Variants in STAG1 observed in about 807,000 individuals in gnomAD.
The protein encoded by STAG1 is cohesin subunit SA-1.
Under a neutral mutation model 170.9 loss-of-function variants are expected in STAG1, and 26 were observed. The observed-to-expected ratio is 0.15, with a 90% CI of 0.11 to 0.21. The LOEUF is 0.21. Ranked by LOEUF, STAG1 falls within the 10% of genes least tolerant of loss-of-function variation. STAG1 has a pLI of 1.00. For synonymous variants in STAG1, 514 were observed against 497.7 expected, an observed-to-expected ratio of 1.03 and a Z score of -0.44; for missense variants, 964 against 1,509.5, an observed-to-expected ratio of 0.64 and a Z score of 5.99.
rs535644702 is a variant in STAG1 at position 136,718,522 on chromosome 3, T to C, written c.-84+33673A>G. Among the ~76,000 whole-genome samples, 5 of 152,364 alleles carry C rather than the reference T, an allele frequency of 3.3e-5. No individual in the cohort carries two copies. The East Asian group carries it at 7.7e-4, about 23-fold the overall frequency. ...GACATACTTGTATTTTATTATTTTT[T>C]ACTAGCTGGAATAGAATCCTGTGAT... On this transcript the variant is annotated intron_variant, in intron 1 of 33. Transcript: ENST00000383202.
rs78149789 is a variant in STAG1, at chr3:136,480,741, G to C, written c.903-3329C>G. ...GAATGTTCTTCCATTTGTTTGTGTC[G>C]TCTGTTATTTCCTTGAGCAGTGGTT... On this transcript the variant is annotated intron_variant, in intron 9 of 33. Transcript: ENST00000383202. Among the ~76,000 whole-genome samples, 22 of 62,598 alleles carry C rather than the reference G, an allele frequency of 3.5e-4. 1 individual carries two copies. The highest frequency in any genetic ancestry group is 2.1e-3 in the East Asian group (2 of 962). 41.1% of individuals were successfully genotyped at this position (62,598 alleles called of 152,430 possible). A position where few individuals can be genotyped will look rare whatever the true frequency, so the allele number is the denominator to read the frequency against.
At chr3:136,749,032 T>C (rs1455672779) in intron 1 of STAG1, among the ~76,000 whole-genome samples, 2 of 152,212 alleles carry the variant, frequency 1.3e-5, no homozygotes, top group African/African-American at 2.4e-5. Flanking sequence ...ATACTTCTTT[T>C]CCTACGGCAG....
At chr3:136,498,575 G>C (rs1420291444) in intron 9 of STAG1, among the ~76,000 whole-genome samples, 2 of 151,628 alleles carry the variant, frequency 1.3e-5, no homozygotes, top group African/African-American at 2.4e-5. Context: ...GGATGATGGA[G>C]AGATTCATTA....
At chr3:136,711,003 C>T (rs937682262) in intron 1 of STAG1, among the ~76,000 whole-genome samples, 9 of 151,474 alleles carry the variant, frequency 5.9e-5, no homozygotes, top group African/African-American at 1.9e-4. Flanking sequence ...AAAACCTTTG[C>T]TATAAAACTC....
intron 4 of STAG1, among the ~76,000 whole-genome samples, chr3:136,587,791 C>A (rs768187469): frequency 1.3e-5 from 2 of 151,982 alleles, no homozygotes; most frequent in African/African-American, 4.8e-5. Context: ...CCTATCTCTA[C>A]CAAAAACACA....
chr3:136,679,724 G>C (rs997983185), intron 1 of STAG1, among the ~76,000 whole-genome samples: 1 of 103,462 alleles, frequency 9.7e-6, no homozygotes, highest in Non-Finnish European at 1.8e-5. Context: ...GCAAGACTCC[G>C]TCTTAAAAAA....
chr3:136,687,548 T>G (rs1180112459), intron 1 of STAG1, among the ~76,000 whole-genome samples: 1 of 152,148 alleles, frequency 6.6e-6, no homozygotes, highest in Admixed American at 6.5e-5. Flanking sequence ...AAAATCTGAA[T>G]AGTTGCACTG....
chr3:136,605,640 T>C (rs1489066243), intron 3 of STAG1, among the ~76,000 whole-genome samples: 1 of 152,222 alleles, frequency 6.6e-6, no homozygotes, highest in Non-Finnish European at 1.5e-5. Context: ...CTCTATTGAG[T>C]AATTTAATTC....
chr3:136,568,681 T>C, intron 5 of STAG1, 84 bp downstream of exon 5: 4 of 879,978 alleles, frequency 4.5e-6, no homozygotes, highest in South Asian at 2.9e-5. Flanking sequence ...GGGTAAATTA[T>C]ATACGACTAG....
chr3:136,715,377 T>C (rs1229571561), intron 1 of STAG1, among the ~76,000 whole-genome samples: 3 of 151,690 alleles, frequency 2.0e-5, no homozygotes, highest in Admixed American at 1.3e-4. Context: ...TCCCAACACT[T>C]TGGGAGGCCA....
chr3:136,520,012 G>A (rs1368778630), intron 7 of STAG1, among the ~76,000 whole-genome samples: 2 of 151,986 alleles, frequency 1.3e-5, no homozygotes, highest in Non-Finnish European at 2.9e-5. Flanking sequence ...GTAACTAACA[G>A]AATAACAGAC....
At chr3:136,433,481 T>C in intron 16 of STAG1, 75 bp downstream of exon 16, 1 of 1,059,228 alleles carries the variant, frequency 9.4e-7, no homozygotes, top group Non-Finnish European at 1.4e-6. Flanking sequence ...CAAATATCAG[T>C]AAAATTTCCA....
intron 7 of STAG1, among the ~76,000 whole-genome samples, chr3:136,519,210 C>A (rs187729411): frequency 1.3e-5 from 2 of 152,038 alleles, no homozygotes; most frequent in Non-Finnish European, 2.9e-5. Context: ...TATAATATAG[C>A]ACTCCTCTTA....
chr3:136,646,293 TGGA>T (rs1465512227), intron 1 of STAG1, among the ~76,000 whole-genome samples: 8 of 152,148 alleles, frequency 5.3e-5, no homozygotes, highest in African/African-American at 1.4e-4. Flanking sequence ...CTGGCTCAGG[TGGA>T]ATCTTAATCC....
chr3:136,558,729 T>C (rs968868384), intron 5 of STAG1, among the ~76,000 whole-genome samples: 3 of 152,190 alleles, frequency 2.0e-5, no homozygotes, highest in Non-Finnish European at 2.9e-5. Context: ...TCCAGAAAAG[T>C]TGCATATCTT....
chr3:136,374,600 A>G (rs982420988), intron 23 of STAG1, among the ~76,000 whole-genome samples: 2 of 151,930 alleles, frequency 1.3e-5, no homozygotes, highest in Admixed American at 6.6e-5. Flanking sequence ...CTGGGCAACA[A>G]GAGCAAAACT....
At chr3:136,486,617 A>T (rs1448724182) in intron 9 of STAG1, among the ~76,000 whole-genome samples, 1 of 152,190 alleles carries the variant, frequency 6.6e-6, no homozygotes, top group East Asian at 1.9e-4. Flanking sequence ...ACACAATTTC[A>T]TGGAAGCAGG....
chr3:136,671,323 A>G (rs1382607616), intron 1 of STAG1, among the ~76,000 whole-genome samples: 1 of 152,006 alleles, frequency 6.6e-6, no homozygotes, highest in Non-Finnish European at 1.5e-5. Flanking sequence ...AAAAAATCAT[A>G]CGTGCCATAT....
At chr3:136,355,070 A>C (rs112948127) in intron 28 of STAG1, among the ~76,000 whole-genome samples, 7 of 152,118 alleles carry the variant, frequency 4.6e-5, no homozygotes, top group African/African-American at 1.4e-4. Flanking sequence ...ATGTATGTAC[A>C]GGCCAGGCGT....
Sources: gnomAD v4.1 joint callset for allele counts (sites outside exome capture counted in the v4.1 genomes callset) on GRCh38, gnomAD v4.1.1 for gene constraint, MANE v1.5 for transcripts, NCBI Gene and HGNC (gene_info 2026-07-23, HGNC 2026-07-21) for gene names.